Variants in FMNL2 observed in about 807,000 individuals in gnomAD.
FMNL2 encodes the protein formin-like protein 2.
Under a neutral mutation model 130.2 loss-of-function variants are expected in FMNL2, and 51 were observed. That is an observed-to-expected ratio of 0.39 (90% CI 0.31 to 0.49). The LOEUF is 0.49. FMNL2 is among the 20% of genes least tolerant of loss of function. The pLI is 0.85. For missense variants in FMNL2, 977 were observed against 1,316.2 expected (o/e 0.74, Z 3.99); for synonymous variants, 465 against 467.1 (o/e 1.00, Z 0.06).
At chr2:152,606,505 C>T (rs1355234703) in intron 9 of FMNL2, among the ~76,000 whole-genome samples, 3 of 151,846 alleles carry the variant, frequency 2.0e-5, no homozygotes, top group East Asian at 1.9e-4. Flanking sequence ...TTGCCTGAGC[C>T]CAGGAGGTTG....
In FMNL2 at chr2:152,619,552, G is replaced by GCCACCCCCCCCCCCCCCCC; in HGVS notation, c.1673_1674insACCCCCCCCCCCCCCCCCC (p.Pro566SerfsTer21). ...CACCACCTATGCCACCGCCGCCGCC[G>GCCACCCCCCCCCCCCCCCC]CCCCCTCCTCCACCTCCTCCTCCCC... On this transcript the variant is annotated frameshift_variant, in exon 15 of 26. Coordinates refer to ENST00000288670, the MANE Select transcript of FMNL2 (RefSeq NM_052905.4). LOFTEE classifies it high-confidence loss of function. 7.1e-6 allele frequency: 10 copies of GCCACCCCCCCCCCCCCCCC among 1,417,664 alleles called. No homozygotes were observed. Among genetic ancestry groups the GCCACCCCCCCCCCCCCCCC allele is most frequent in the South Asian group, 2.5e-5 (2 of 79,012 alleles). The allele number at this position is 1,417,664 out of a possible 1,614,324, so 87.8% of individuals were successfully genotyped here.
chr2:152,512,171 C>T (rs1458940202), intron 1 of FMNL2, among the ~76,000 whole-genome samples: 3 of 152,096 alleles, frequency 2.0e-5, no homozygotes, highest in Non-Finnish European at 2.9e-5. Context: ...AGACACAGCT[C>T]CTGGCACAGC....
rs367994642 is a variant in FMNL2, at chr2:152,607,005, TG to T, written c.877-333del. Among the ~76,000 whole-genome samples the T allele has an allele frequency of 2.0e-3, 268 of 130,770 alleles. 1 individual carries two copies. Among genetic ancestry groups the T allele is most frequent in the African/African-American group, 7.0e-3 (252 of 35,836 alleles). The allele number at this position is 130,770 out of a possible 152,430, so 85.8% of individuals were successfully genotyped here. On this transcript the variant is annotated intron_variant, in intron 9 of 25. Transcript: ENST00000288670. Reference sequence around the variant, plus strand: ...GGAAGCTATGGTCGTTTTTTTTTTTTGTTTTTTTTTTTTTTTTTTACCATGA... The same window carrying T: ...GGAAGCTATGGTCGTTTTTTTTTTTTTTTTTTTTTTTTTTTTTTACCATGA...
intron 6 of FMNL2, among the ~76,000 whole-genome samples, chr2:152,573,432 C>G (rs1166082430): frequency 6.6e-6 from 1 of 152,170 alleles, no homozygotes; most frequent in Non-Finnish European, 1.5e-5. Flanking sequence ...ATGAGCAACT[C>G]GTGGAAAGTG....
chr2:152,529,530 T>C (rs1693576689), intron 2 of FMNL2, among the ~76,000 whole-genome samples: 2 of 152,196 alleles, frequency 1.3e-5, no homozygotes, highest in Non-Finnish European at 2.9e-5. Context: ...AAAAGCAGTT[T>C]CCTTTCCTTT....
At chr2:152,603,032 C>G (rs909125628) in intron 9 of FMNL2, among the ~76,000 whole-genome samples, 1 of 152,178 alleles carries the variant, frequency 6.6e-6, no homozygotes, top group African/African-American at 2.4e-5. Context: ...CTTCCTGTTT[C>G]CTGTGGGATT....
chr2:152,408,120 A>G (rs982349877), intron 1 of FMNL2, among the ~76,000 whole-genome samples: 5 of 152,220 alleles, frequency 3.3e-5, no homozygotes, highest in Admixed American at 3.3e-4. Context: ...AGCTCAGAAT[A>G]AGGTACATAT....
At chr2:152,542,952 G>A (rs1344741496) in intron 3 of FMNL2, 133 bp downstream of exon 3, 7 of 868,764 alleles carry the variant, frequency 8.1e-6, no homozygotes, top group Non-Finnish European at 1.1e-5. Context: ...AACCTTGGGA[G>A]ACCAACAACG....
At chr2:152,363,763 T>A (rs1683326032) in intron 1 of FMNL2, among the ~76,000 whole-genome samples, 1 of 152,158 alleles carries the variant, frequency 6.6e-6, no homozygotes, top group Non-Finnish European at 1.5e-5. Context: ...AGTTTCACCA[T>A]GTTGGCCAGC....
chr2:152,362,445 G>T (rs767183223), intron 1 of FMNL2, among the ~76,000 whole-genome samples: 22 of 152,102 alleles, frequency 1.4e-4, no homozygotes, highest in Non-Finnish European at 2.9e-4. Context: ...GAGGTAAAAT[G>T]GAGTAACCCC....
At chr2:152,568,252 G>A (rs1425584409) in intron 6 of FMNL2, among the ~76,000 whole-genome samples, 1 of 15,076 alleles carries the variant, frequency 6.6e-5, no homozygotes, top group Non-Finnish European at 1.7e-4. Flanking sequence ...GTCTCACTGT[G>A]TCACCCAGGC....
chr2:152,564,179 A>G (rs1486009721), intron 6 of FMNL2, among the ~76,000 whole-genome samples: 1 of 152,036 alleles, frequency 6.6e-6, no homozygotes, highest in African/African-American at 2.4e-5. Flanking sequence ...TTTGAAAAAG[A>G]AAAAGTATAT....
At chr2:152,339,954 G>C (rs1386762255) in intron 1 of FMNL2, among the ~76,000 whole-genome samples, 1 of 152,166 alleles carries the variant, frequency 6.6e-6, no homozygotes, top group African/African-American at 2.4e-5. Flanking sequence ...GCTGAGGTGA[G>C]AGGATCACTT....
intron 21 of FMNL2, among the ~76,000 whole-genome samples, chr2:152,635,784 T>C (rs1281228319): frequency 6.6e-6 from 1 of 152,188 alleles, no homozygotes; most frequent in Non-Finnish European, 1.5e-5. Context: ...AGGGAGGGGT[T>C]GTTAGCTGTG....
chr2:152,554,848 G>C (rs1401009586), intron 4 of FMNL2, among the ~76,000 whole-genome samples: 4 of 152,150 alleles, frequency 2.6e-5, no homozygotes, highest in African/African-American at 9.7e-5. Context: ...GGCTAGTTCA[G>C]CTCGCAACTC....
At chr2:152,636,066 T>C (rs1488756759) in intron 21 of FMNL2, among the ~76,000 whole-genome samples, 2 of 152,132 alleles carry the variant, frequency 1.3e-5, no homozygotes, top group Non-Finnish European at 2.9e-5. Flanking sequence ...TAGGCTATTC[T>C]TGTAAGAGAA....
At chr2:152,443,848 AG>A (rs1688196917) in intron 1 of FMNL2, among the ~76,000 whole-genome samples, 1 of 152,024 alleles carries the variant, frequency 6.6e-6, no homozygotes, top group South Asian at 2.1e-4. Flanking sequence ...CCATCCAAAA[AG>A]AAAAAAAGAA....
intron 1 of FMNL2, among the ~76,000 whole-genome samples, chr2:152,422,118 T>C (rs1686954525): frequency 6.6e-6 from 1 of 152,148 alleles, no homozygotes; most frequent in African/African-American, 2.4e-5. Context: ...CTGCCTCCCA[T>C]GTTTAGGGGA....
intron 1 of FMNL2, among the ~76,000 whole-genome samples, chr2:152,466,769 T>C (rs1411895650): frequency 3.3e-5 from 5 of 152,176 alleles, no homozygotes; most frequent in Non-Finnish European, 7.3e-5. Flanking sequence ...CCTTGTACTT[T>C]ATCAAGTGAG....
Sources: gnomAD v4.1 joint callset for allele counts (sites outside exome capture counted in the v4.1 genomes callset) on GRCh38, gnomAD v4.1.1 for gene constraint, MANE v1.5 for transcripts, NCBI Gene and HGNC (gene_info 2026-07-23, HGNC 2026-07-21) for gene names.